CDC20B: variants seen among roughly 807,000 people sequenced by gnomAD.
The protein encoded by CDC20B is cell division cycle protein 20 homolog B.
Under a neutral mutation model 64.1 loss-of-function variants are expected in CDC20B, and 58 were observed. The observed-to-expected ratio is 0.90, with a 90% CI of 0.73 to 1.13. CDC20B has a LOEUF of 1.13. Among genes scored for constraint, CDC20B ranks in the 50% most tolerant of loss-of-function variants. The pLI is 0.00. For synonymous variants in CDC20B, 243 were observed against 230.6 expected, an observed-to-expected ratio of 1.05 and a Z score of -0.49; for missense variants, 597 against 633.0, an observed-to-expected ratio of 0.94 and a Z score of 0.61.
rs193134942 is a variant in CDC20B, at chr5:55,162,209, A to G, written c.126+10379T>C. Among the ~76,000 whole-genome samples the G allele has an allele frequency of 1.8e-3, 276 of 152,202 alleles. 2 individuals carry two copies. In the Middle Eastern group the frequency reaches 0.02, roughly 11 times the overall value. ...TCAGGAGTTAGAGACTAGCCTGGCC[A>G]ATATGGTGAAACCCCATCTCTATTA... On this transcript the variant is annotated intron_variant, in intron 2 of 11. Transcript: ENST00000381375.
At chr5:55,138,107 T>A (rs1320792177) in intron 5 of CDC20B, among the ~76,000 whole-genome samples, 1 of 150,664 alleles carries the variant, frequency 6.6e-6, no homozygotes, top group Non-Finnish European at 1.5e-5. Flanking sequence ...GACAATTTTT[T>A]AATTCAATAG....
chr5:55,145,397 T>C (rs1320662308), intron 3 of CDC20B, among the ~76,000 whole-genome samples: 1 of 152,210 alleles, frequency 6.6e-6, no homozygotes, highest in Non-Finnish European at 1.5e-5. Flanking sequence ...CTATTAACAT[T>C]TGTCTTAATA....
At position 55,172,698 on chromosome 5, in the gene CDC20B, T is replaced by C. The variant is rs186819371; in HGVS notation, c.64-48A>G. On this transcript the variant is annotated intron_variant, in intron 1 of 11. Transcript: ENST00000381375. The stretch of plus-strand genomic sequence containing the variant: ...TTGAGGGAGAAACTATTTAGGAAAA[T>C]CATAATTTCAGGTGTGGAATTTTTC... 5.7e-5 allele frequency: 82 copies of C among 1,427,392 alleles called. No homozygotes were observed. The African/African-American group carries it at 1.1e-3, about 19-fold the overall frequency. The allele number at this position is 1,427,392 out of a possible 1,614,324, so 88.4% of individuals were successfully genotyped here. A position where few individuals can be genotyped will look rare whatever the true frequency, so the allele number is the denominator to read the frequency against.
chr5:55,127,274 ATTCC>A lies in CDC20B; in HGVS notation c.968_971del (p.Trp323PhefsTer21). 1 of 1,614,070 alleles carries A rather than the reference ATTCC, an allele frequency of 6.2e-7. No individual in the cohort carries two copies. Among genetic ancestry groups the A allele is most frequent in the Non-Finnish European group, 8.5e-7 (1 of 1,179,934 alleles). On this transcript the variant is annotated frameshift_variant, in exon 8 of 12. Coordinates refer to ENST00000381375, the MANE Select transcript of CDC20B (RefSeq NM_001170402.1). LOFTEE classifies it high-confidence loss of function. The stretch of plus-strand genomic sequence containing the variant: ...CTTCTTACCTGCTGAGGATAAAGTG[ATTCC>A]AGCTCAGAGCCCCAACTACTGACAA...
At chr5:55,159,850 C>T (rs1743940386) in intron 2 of CDC20B, among the ~76,000 whole-genome samples, 1 of 152,168 alleles carries the variant, frequency 6.6e-6, no homozygotes, top group Non-Finnish European at 1.5e-5. Flanking sequence ...AAATACACAG[C>T]TTAGCATGGG....
chr5:55,156,743 G>A (rs748934332), intron 2 of CDC20B, among the ~76,000 whole-genome samples: 13 of 152,040 alleles, frequency 8.6e-5, no homozygotes, highest in South Asian at 4.1e-4. Flanking sequence ...GCATTTTGGC[G>A]CGTGCCTGTA....
rs77495563 is a variant in CDC20B, at chr5:55,128,529, A to G, written c.786T>C (p.Asn262=). ...AVYIWNGENH[N]GIENIDLSLT... is the part of the protein sequence containing the mutation. ...GACTTAAGTCTATGTTTTCAATCCC[A>G]TTGTGGTTCTCCCCATTCCAGATGT... The change falls in exon 7 of 12, where the codon AAT becomes AAC. Residue 262 remains asparagine (N), a synonymous_variant. Transcript: ENST00000381375. 253 of 1,611,308 alleles carry G rather than the reference A, an allele frequency of 1.6e-4. No individual in the cohort carries two copies. The East Asian group carries it at 5.2e-3, about 33-fold the overall frequency.
chr5:55,167,858 C>T (rs1297936971), intron 2 of CDC20B, among the ~76,000 whole-genome samples: 1 of 152,004 alleles, frequency 6.6e-6, no homozygotes, highest in Non-Finnish European at 1.5e-5. Flanking sequence ...AGCGAGACCC[C>T]ATCTCTACAA....
At position 55,158,767 on chromosome 5, in the gene CDC20B, C is replaced by G. The variant is rs572658267; in HGVS notation, c.127-11911G>C. 5.9e-5 allele frequency among the ~76,000 whole-genome samples: 9 copies of G among 152,290 alleles called. No individual in the cohort carries two copies. In the South Asian group the frequency reaches 1.0e-3, roughly 18 times the overall value. On this transcript the variant is annotated intron_variant, in intron 2 of 11. Transcript: ENST00000381375. ...GAAAGTGAATGGCTTTTAGGATATA[C>G]AGCCCTCAATTGCCTCCCCATACCT...
chr5:55,154,494 G>A (rs182023868), intron 2 of CDC20B, among the ~76,000 whole-genome samples: 2 of 152,254 alleles, frequency 1.3e-5, no homozygotes, highest in Non-Finnish European at 2.9e-5. Flanking sequence ...TGCAGCCTGG[G>A]TGACAGAGTG....
At chr5:55,162,695 A>T (rs1025724001) in intron 2 of CDC20B, among the ~76,000 whole-genome samples, 5 of 152,262 alleles carry the variant, frequency 3.3e-5, no homozygotes, top group African/African-American at 1.2e-4. Flanking sequence ...TCCACTGAGG[A>T]AAGAAAAGCC....
chr5:55,143,823 A>G (rs1743397968), intron 3 of CDC20B, among the ~76,000 whole-genome samples, 180 bp from the exon 4 acceptor site: 1 of 152,138 alleles, frequency 6.6e-6, no homozygotes, highest in Non-Finnish European at 1.5e-5. Flanking sequence ...TCGTCGCTCC[A>G]AAGTCCATTG....
intron 9 of CDC20B, among the ~76,000 whole-genome samples, chr5:55,121,776 C>T (rs1489359654): frequency 6.6e-6 from 1 of 152,074 alleles, no homozygotes; most frequent in African/African-American, 2.4e-5. Context: ...CATTACAAAA[C>T]AGATTATAAG....
intron 9 of CDC20B, among the ~76,000 whole-genome samples, chr5:55,122,504 C>T (rs1287331501): frequency 6.6e-6 from 1 of 152,130 alleles, no homozygotes; most frequent in Non-Finnish European, 1.5e-5. Flanking sequence ...TGTCTTTCAT[C>T]CAACAAGTCC....
chr5:55,145,829 CCT>C (rs774506933), intron 3 of CDC20B, among the ~76,000 whole-genome samples: 8 of 151,586 alleles, frequency 5.3e-5, no homozygotes, highest in Non-Finnish European at 8.8e-5. Flanking sequence ...TTGCTTCCTT[CCT>C]CTTACTTTCT....
At chr5:55,155,699 T>G (rs1743787833) in intron 2 of CDC20B, among the ~76,000 whole-genome samples, 1 of 152,166 alleles carries the variant, frequency 6.6e-6, no homozygotes, top group Admixed American at 6.5e-5. Context: ...ATCCTTTATC[T>G]CTATCGCCAG....
intron 9 of CDC20B, among the ~76,000 whole-genome samples, chr5:55,122,923 A>C (rs1367742895): frequency 6.6e-6 from 1 of 152,230 alleles, no homozygotes; most frequent in Non-Finnish European, 1.5e-5. Context: ...ACATTTTCCC[A>C]GAATCCTTAC....
intron 6 of CDC20B, 91 bp from the exon 7 acceptor site, chr5:55,128,708 A>T: frequency 1.1e-6 from 1 of 903,254 alleles, no homozygotes. Context: ...GGAAAAGAAT[A>T]ATACCATCCC....
At position 55,172,448 on chromosome 5, in the gene CDC20B, T is replaced by A. The variant is rs1744632697; in HGVS notation, c.126+140A>T. 5 of 631,682 alleles carry A rather than the reference T, an allele frequency of 7.9e-6. 1 individual carries two copies. In the South Asian group the frequency reaches 1.0e-4, roughly 13 times the overall value. 39.1% of individuals were successfully genotyped at this position (631,682 alleles called of 1,614,324 possible). A position where few individuals can be genotyped will look rare whatever the true frequency, so the allele number is the denominator to read the frequency against. ...GGGATCTTCAGTTTCATAAAGAAAT[T>A]TTTTTTAGTATGTAATAAGATACTA... On this transcript the variant is annotated intron_variant, in intron 2 of 11. Transcript: ENST00000381375.
Sources: gnomAD v4.1 joint callset for allele counts (sites outside exome capture counted in the v4.1 genomes callset) on GRCh38, gnomAD v4.1.1 for gene constraint, MANE v1.5 for transcripts, NCBI Gene and HGNC (gene_info 2026-07-23, HGNC 2026-07-21) for gene names.